The following UBE3D variants were observed in gnomAD, a reference collection of about 807,000 sequenced individuals.
The protein encoded by UBE3D is E3 ubiquitin-protein ligase E3D.
In UBE3D, 48 loss-of-function variants were observed where a neutral mutation model predicts 49.6. The ratio of observed to expected loss-of-function variants is 0.97; its 90% CI spans 0.77 to 1.23. UBE3D has a LOEUF of 1.23. UBE3D is among the 50% of genes most tolerant of loss of function. The pLI, the probability that UBE3D is intolerant of heterozygous loss-of-function variation, is 0.00. For missense variants in UBE3D, 452 were observed against 468.4 expected, an observed-to-expected ratio of 0.96 and a Z score of 0.32; for synonymous variants, 189 against 174.2, an observed-to-expected ratio of 1.08 and a Z score of -0.67.
chr6:83,022,534 G>C lies in UBE3D; in HGVS notation c.765C>G (p.Ala255=), dbSNP rs760973125. The C allele has an allele frequency of 1.7e-5, 27 of 1,603,530 alleles. No individual in the cohort carries two copies. Among genetic ancestry groups the C allele is most frequent in the African/African-American group, 2.7e-5 (2 of 73,944 alleles). The change falls in exon 7 of 10, where the codon GCC becomes GCG. Residue 255 remains alanine (A), a synonymous_variant. Coordinates refer to ENST00000369747, the MANE Select transcript of UBE3D (RefSeq NM_198920.3). ...CAGAGGAGAGCTGCACCAGACACTGGGCGATCACGCTCTGGACAAACCAAG... is the reference window on the plus strand; with the variant it reads ...CAGAGGAGAGCTGCACCAGACACTGCGCGATCACGCTCTGGACAAACCAAG... ...PRSWFVQSVI[A]QCLVQLSSAR... is the part of the protein sequence containing the mutation.
chr6:83,004,930 A>G (rs1246587410), intron 8 of UBE3D, among the ~76,000 whole-genome samples: 2 of 152,198 alleles, frequency 1.3e-5, no homozygotes, highest in African/African-American at 4.8e-5. Flanking sequence ...GAGTTTGGCA[A>G]TGATATCTTG....
At chr6:82,881,963 T>C in the UBE3D span, among the ~76,000 whole-genome samples, 1 of 152,194 alleles carries the variant, frequency 6.6e-6, no homozygotes, top group African/African-American at 2.4e-5. Flanking sequence ...TAAGCCAAAT[T>C]ATTTACCATT....
chr6:83,039,684 G>A (rs1004710173), intron 4 of UBE3D, among the ~76,000 whole-genome samples: 1 of 151,880 alleles, frequency 6.6e-6, no homozygotes, highest in African/African-American at 2.4e-5. Flanking sequence ...TTGCTCCATT[G>A]CCCAGGCTGG....
At position 82,957,365 on chromosome 6, in the gene UBE3D, AC is replaced by A; in HGVS notation, c.1095del (p.Leu365PhefsTer15). On this transcript the variant is annotated frameshift_variant, in exon 9 of 10. Coordinates refer to ENST00000369747, the MANE Select transcript of UBE3D (RefSeq NM_198920.3). LOFTEE classifies it high-confidence loss of function. The stretch of plus-strand genomic sequence containing the variant: ...GAAGGCAGATTGGCATTACTCTTTG[AC>A]AATATCAACAGCAGCTCCAAGCAGG... Reference protein sequence around the residue: ...SATCLELLLILSKSNANLPSS... With the variant: ...SATCLELLLIXSKSNANLPSS... The A allele has an allele frequency of 6.2e-7, 1 of 1,614,132 alleles. No homozygotes were observed. The highest frequency in any genetic ancestry group is 8.5e-7 in the Non-Finnish European group (1 of 1,179,988).
intron 8 of UBE3D, among the ~76,000 whole-genome samples, chr6:82,966,270 T>C (rs977053596): frequency 6.6e-6 from 1 of 152,138 alleles, no homozygotes; most frequent in African/African-American, 2.4e-5. Context: ...TGGGGAGTGA[T>C]TGCTAGTGGG....
chr6:82,974,072 C>A (rs925611026), intron 8 of UBE3D, among the ~76,000 whole-genome samples: 1 of 152,142 alleles, frequency 6.6e-6, no homozygotes, highest in Non-Finnish European at 1.5e-5. Flanking sequence ...TTATGCATTA[C>A]AATGTAACAA....
chr6:82,939,643 C>T (rs1179787503), intron 9 of UBE3D, among the ~76,000 whole-genome samples: 13 of 152,316 alleles, frequency 8.5e-5, no homozygotes, highest in Admixed American at 7.8e-4. Flanking sequence ...ATGGGCCATA[C>T]CACATAGCCT....
intron 8 of UBE3D, chr6:83,018,759 T>C (rs1163426089): frequency 9.2e-6 from 5 of 544,706 alleles, no homozygotes; most frequent in African/African-American, 7.8e-5. Context: ...AAAAAAACAA[T>C]AATTTTTGGT....
At chr6:83,018,931 C>T (rs772133559) in intron 8 of UBE3D, 42 bp downstream of exon 8, 11 of 1,603,874 alleles carry the variant, frequency 6.9e-6, no homozygotes, top group Non-Finnish European at 9.3e-6. Context: ...ACAACAAAAG[C>T]TAAAACATAA....
intron 9 of UBE3D, among the ~76,000 whole-genome samples, chr6:82,910,809 A>C (rs1363109133): frequency 6.6e-6 from 1 of 152,240 alleles, no homozygotes. Context: ...GGAATTAGGC[A>C]GGTGGTGACA....
At chr6:82,884,083 T>G in the UBE3D span, among the ~76,000 whole-genome samples, 1 of 152,228 alleles carries the variant, frequency 6.6e-6, no homozygotes, top group African/African-American at 2.4e-5. Context: ...GATGATAATT[T>G]CAAATTTTAA....
At chr6:82,935,828 T>C (rs555806820) in intron 9 of UBE3D, among the ~76,000 whole-genome samples, 15 of 151,914 alleles carry the variant, frequency 9.9e-5, no homozygotes, top group African/African-American at 3.6e-4. Flanking sequence ...CTAAAGACTG[T>C]GAACAAAATG....
At chr6:83,042,071 G>A (rs756541114) in intron 4 of UBE3D, among the ~76,000 whole-genome samples, 6 of 151,952 alleles carry the variant, frequency 3.9e-5, no homozygotes, top group African/African-American at 7.3e-5. Flanking sequence ...CACCACACCC[G>A]GCTAATTTTT....
In UBE3D at chr6:82,946,023, C is replaced by T. The variant is rs539131997; in HGVS notation, c.1149+11289G>A. The stretch of plus-strand genomic sequence containing the variant: ...CATACAAGATCTAGAAAATAGCCTT[C>T]AAGGGGCAAATTTAAGAGTTACAGG... On this transcript the variant is annotated intron_variant, in intron 9 of 9. Transcript: ENST00000369747. Among the ~76,000 whole-genome samples the T allele has an allele frequency of 3.3e-4, 50 of 152,110 alleles. No individual in the cohort carries two copies. The South Asian group carries it at 1.0e-2, about 30-fold the overall frequency.
chr6:83,056,889 A>G (rs140592005), intron 2 of UBE3D, among the ~76,000 whole-genome samples: 2,674 of 152,286 alleles, frequency 0.018, 46 homozygotes, highest in Admixed American at 0.057. Flanking sequence ...TAAACATCAC[A>G]TAAGTCTTTT....
chr6:83,053,018 TG>T (rs535009489), intron 3 of UBE3D, among the ~76,000 whole-genome samples: 2 of 152,236 alleles, frequency 1.3e-5, no homozygotes, highest in Non-Finnish European at 2.9e-5. Context: ...GCAACTGATA[TG>T]GGGGGAACCC....
chr6:82,898,675 T>TGGGGGGTA, intron 9 of UBE3D, among the ~76,000 whole-genome samples: 3 of 139,034 alleles, frequency 2.2e-5, no homozygotes, highest in Non-Finnish European at 3.1e-5. Context: ...TGGGGTCTGT[T>TGGGGGGTA]GGGGGGTAGG....
downstream of UBE3D, among the ~76,000 whole-genome samples, chr6:82,887,625 C>G (rs1393462270): frequency 6.6e-6 from 1 of 151,238 alleles, no homozygotes; most frequent in African/African-American, 2.4e-5. Flanking sequence ...AAGAGAATCA[C>G]TTGAACCCAG....
rs148326607 is a variant in UBE3D, at chr6:82,980,264, G to A, written c.1011-22814C>T. On this transcript the variant is annotated intron_variant, in intron 8 of 9. Transcript: ENST00000369747. ...ACAAACATCTGTTCTTTTTTTTGAC[G>A]TTTTAATAGTCATTCTGACTGGTGT... 8.9e-3 allele frequency among the ~76,000 whole-genome samples: 1,351 copies of A among 151,854 alleles called. 25 individuals carry two copies. Among genetic ancestry groups the A allele is most frequent in the African/African-American group, 0.031 (1,265 of 41,472 alleles).
Sources: allele counts gnomAD v4.1 joint callset (sites outside exome capture counted in the v4.1 genomes callset), GRCh38; gene constraint gnomAD v4.1.1; transcripts MANE v1.5; gene names NCBI Gene and HGNC (gene_info 2026-07-23, HGNC 2026-07-21).